Variants in ADAMTSL1 observed in about 807,000 individuals in gnomAD.
The protein encoded by ADAMTSL1 is ADAMTS-like protein 1.
ADAMTSL1 carries 126 observed loss-of-function variants against 201.8 expected under a neutral mutation model. The observed-to-expected ratio is 0.62, with a 90% CI of 0.54 to 0.72. The LOEUF (loss-of-function observed/expected upper bound fraction) is 0.72, where lower values mean the gene tolerates loss of function less well. Among genes scored for constraint, ADAMTSL1 ranks in the 30% least tolerant of loss-of-function variants. The pLI, the probability that ADAMTSL1 is intolerant of heterozygous loss-of-function variation, is 0.00. For synonymous variants in ADAMTSL1, 1,121 were observed against 903.4 expected (o/e 1.24, Z -4.32); for missense variants, 2,679 against 2,277.8 (o/e 1.18, Z -3.59).
At chr9:18,771,806 G>T (rs1333528856) in intron 17 of ADAMTSL1, among the ~76,000 whole-genome samples, 1 of 144,940 alleles carries the variant, frequency 6.9e-6, no homozygotes, top group Non-Finnish European at 1.5e-5. Flanking sequence ...CTTACAGAGG[G>T]CAAAGCGGCC....
At chr9:17,930,415 A>G (rs1826731609) in intron 1 of ADAMTSL1, among the ~76,000 whole-genome samples, 1 of 152,016 alleles carries the variant, frequency 6.6e-6, no homozygotes, top group Non-Finnish European at 1.5e-5. Context: ...TTGTATTCTT[A>G]ACTAGGCTCA....
intron 4 of ADAMTSL1, among the ~76,000 whole-genome samples, chr9:18,602,669 A>G (rs1191239403): frequency 1.3e-5 from 2 of 152,226 alleles, no homozygotes; most frequent in African/African-American, 2.4e-5. Context: ...CAAATCTAGT[A>G]CAAGTTCCTT....
chr9:18,767,438 A>G (rs1820427410), intron 16 of ADAMTSL1, among the ~76,000 whole-genome samples: 1 of 152,174 alleles, frequency 6.6e-6, no homozygotes, highest in Non-Finnish European at 1.5e-5. Context: ...AAGAATGAAC[A>G]AGAAAAGTTT....
intron 1 of ADAMTSL1, among the ~76,000 whole-genome samples, chr9:18,058,090 T>C (rs1185558578): frequency 6.6e-6 from 1 of 152,160 alleles, no homozygotes; most frequent in African/African-American, 2.4e-5. Context: ...GCTAGCCAGA[T>C]AGGTAAAGGA....
chr9:18,238,646 A>G (rs1830942333), intron 2 of ADAMTSL1, among the ~76,000 whole-genome samples: 1 of 152,318 alleles, frequency 6.6e-6, no homozygotes, highest in Middle Eastern at 3.4e-3. Context: ...CTCTAATATC[A>G]TAGAAAGAGA....
rs1823730671 is a variant in ADAMTSL1 at position 18,085,620 on chromosome 9, T to TATATACACTGTGTGTGTATATATATAC, written c.88-78235_88-78209dup. 2.7e-5 allele frequency among the ~76,000 whole-genome samples: 4 copies of TATATACACTGTGTGTGTATATATATAC among 149,374 alleles called. No individual in the cohort carries two copies. In the East Asian group the frequency reaches 7.9e-4, roughly 29 times the overall value. On this transcript the variant is annotated intron_variant, in intron 1 of 29. Coordinates refer to the ADAMTSL1 transcript ENST00000680146. ...CGTATATACACTGTGTGTGTATACGTATATACACTGTGTGTGTATATATAT... is the reference window on the plus strand; with the variant it reads ...CGTATATACACTGTGTGTGTATACGTATATACACTGTGTGTGTATATATATACATATACACTGTGTGTGTATATATAT...
chr9:18,871,476 CATTG>C (rs2131463828), intron 23 of ADAMTSL1, among the ~76,000 whole-genome samples: 1 of 152,232 alleles, frequency 6.6e-6, no homozygotes, highest in Non-Finnish European at 1.5e-5. Flanking sequence ...GATCTCTTGT[CATTG>C]ATTATTTTGT....
Position 18,279,987 on chromosome 9 carries a change from A to G in ADAMTSL1, c.207+116006A>G, listed in dbSNP as rs112654475. On this transcript the variant is annotated intron_variant, in intron 2 of 29. Transcript: ENST00000680146. Reference sequence around the variant, plus strand: ...CCTATGCCTTTTGGGGCAATCTGGAACCTTGTTCCATGGGGCCTGACCTGT... The same window carrying G: ...CCTATGCCTTTTGGGGCAATCTGGAGCCTTGTTCCATGGGGCCTGACCTGT... Among the ~76,000 whole-genome samples, 953 of 152,112 alleles carry G rather than the reference A, an allele frequency of 6.3e-3. 9 individuals are homozygous for G. Among genetic ancestry groups the G allele is most frequent in the African/African-American group, 0.022 (921 of 41,502 alleles).
intron 3 of ADAMTSL1, among the ~76,000 whole-genome samples, chr9:18,536,029 C>G (rs547441431): frequency 6.6e-6 from 1 of 152,212 alleles, no homozygotes; most frequent in South Asian, 2.1e-4. Context: ...CTTGTAGAAT[C>G]AAGTTGATGC....
At chr9:18,158,317 C>T (rs1027058169) in intron 1 of ADAMTSL1, among the ~76,000 whole-genome samples, 2 of 151,944 alleles carry the variant, frequency 1.3e-5, no homozygotes, top group African/African-American at 4.8e-5. Context: ...GAGGAAATTT[C>T]TTTAGTAGAT....
At chr9:18,230,791 C>A (rs902106197) in intron 2 of ADAMTSL1, among the ~76,000 whole-genome samples, 5 of 152,006 alleles carry the variant, frequency 3.3e-5, no homozygotes, top group Admixed American at 2.0e-4. Context: ...CTCATGGTAG[C>A]TTTTGGTCAT....
At chr9:18,099,355 A>ATATATTT (rs1239180390) in intron 1 of ADAMTSL1, among the ~76,000 whole-genome samples, 1 of 45,546 alleles carries the variant, frequency 2.2e-5, no homozygotes, top group East Asian at 6.0e-4. Context: ...ATATATATAT[A>ATATATTT]TTTTTTTTTT....
At chr9:18,611,982 G>T (rs1007319816) in intron 4 of ADAMTSL1, among the ~76,000 whole-genome samples, 3 of 152,114 alleles carry the variant, frequency 2.0e-5, no homozygotes, top group African/African-American at 7.2e-5. Context: ...CAGGCCAGGG[G>T]GTTGCCCAAG....
At chr9:18,826,950 C>T (rs1215415959) in intron 22 of ADAMTSL1, among the ~76,000 whole-genome samples, 1 of 152,004 alleles carries the variant, frequency 6.6e-6, no homozygotes, top group Non-Finnish European at 1.5e-5. Context: ...CCACATGTAC[C>T]CCTAAACATA....
chr9:18,402,411 G>C (rs1818020593), intron 2 of ADAMTSL1, among the ~76,000 whole-genome samples: 1 of 152,134 alleles, frequency 6.6e-6, no homozygotes, highest in African/African-American at 2.4e-5. Context: ...TAAAGCATCA[G>C]CCCTCTAATT....
chr9:18,385,678 C>T (rs770767709), intron 2 of ADAMTSL1, among the ~76,000 whole-genome samples: 49 of 152,114 alleles, frequency 3.2e-4, no homozygotes, highest in South Asian at 1.4e-3. Flanking sequence ...ATGAAAAGAA[C>T]GGTTATCCAC....
intron 2 of ADAMTSL1, among the ~76,000 whole-genome samples, chr9:18,255,518 A>G (rs960022874): frequency 3.3e-5 from 5 of 152,196 alleles, no homozygotes; most frequent in Admixed American, 2.0e-4. Flanking sequence ...AGCTTTGAGC[A>G]TTTCTGTGAC....
chr9:18,535,027 A>T (rs572288589), intron 3 of ADAMTSL1, among the ~76,000 whole-genome samples: 1 of 152,248 alleles, frequency 6.6e-6, no homozygotes, highest in South Asian at 2.1e-4. Context: ...ATTAACATTC[A>T]TCTCCTCATT....
chr9:18,540,887 A>T (rs983419307), intron 3 of ADAMTSL1, among the ~76,000 whole-genome samples: 2 of 152,156 alleles, frequency 1.3e-5, no homozygotes, highest in African/African-American at 4.8e-5. Context: ...CACCTACTAG[A>T]GAGGGCCTCC....
Sources: gnomAD v4.1 joint callset for allele counts (sites outside exome capture counted in the v4.1 genomes callset) on GRCh38, gnomAD v4.1.1 for gene constraint, MANE v1.5 for transcripts, NCBI Gene and HGNC (gene_info 2026-07-23, HGNC 2026-07-21) for gene names.